PIK3C2A: variants seen among roughly 807,000 people sequenced by gnomAD.
PIK3C2A encodes phosphatidylinositol 4-phosphate 3-kinase C2 domain-containing subunit alpha.
Under a neutral mutation model 204.5 loss-of-function variants are expected in PIK3C2A, and 97 were observed. The ratio of observed to expected loss-of-function variants is 0.47; its 90% CI spans 0.40 to 0.56. The LOEUF is 0.56. PIK3C2A is among the 20% of genes least tolerant of loss of function. The pLI is 0.00. For synonymous variants in PIK3C2A, 653 were observed against 664.4 expected (o/e 0.98, Z 0.26); for missense variants, 1,735 against 1,969.2 (o/e 0.88, Z 2.25).
intron 9 of PIK3C2A, 138 bp from the exon 10 acceptor site, chr11:17,135,297 A>C (rs1046908276): frequency 7.2e-6 from 6 of 831,932 alleles, no homozygotes; most frequent in African/African-American, 1.7e-5. Flanking sequence ...ATAAATAAAT[A>C]ATGCAAAAAG....
At chr11:17,097,390 G>T in intron 26 of PIK3C2A, 126 bp from the exon 27 acceptor site, 1 of 640,878 alleles carries the variant, frequency 1.6e-6, no homozygotes, top group Non-Finnish European at 2.7e-6. Flanking sequence ...ACTTTGCCAA[G>T]GATTCCCTTT....
At chr11:17,099,819 T>C (rs1239906100) in intron 26 of PIK3C2A, 41 bp downstream of exon 26, 1 of 856,014 alleles carries the variant, frequency 1.2e-6, no homozygotes, top group South Asian at 1.4e-5. Flanking sequence ...ATCAAAGCAA[T>C]ATTTTATGTT....
In PIK3C2A at chr11:17,097,116, G is replaced by A. The variant is rs867663128; in HGVS notation, c.4267C>T (p.Arg1423Ter). The A allele has an allele frequency of 1.2e-6, 2 of 1,608,348 alleles. No individual in the cohort carries two copies. Among genetic ancestry groups the A allele is most frequent in the Non-Finnish European group, 1.7e-6 (2 of 1,174,902 alleles). The change falls in exon 27 of 33, where the codon CGA becomes TGA. Residue 1423 changes from arginine to a stop codon, truncating the protein, a stop_gained. Transcript: ENST00000691414. LOFTEE classifies it high-confidence loss of function. ...GTAAAAACAGAGACTTCCTTGATTC[G>A]ACCATCTTGTCTAAAGGAGTATGTT... ...PKTYSFRQDGRIKEVSVFTYH... is the reference protein window; with the variant it reads ...PKTYSFRQDG
intron 27 of PIK3C2A, 140 bp downstream of exon 27, chr11:17,096,917 T>C (rs1478954440): frequency 3.4e-6 from 2 of 589,680 alleles, no homozygotes; most frequent in Non-Finnish European, 6.0e-6. Context: ...CAAGTACATT[T>C]ACTTATTTAT....
At chr11:17,096,822 T>A (rs1848469355) in intron 27 of PIK3C2A, among the ~76,000 whole-genome samples, 1 of 152,260 alleles carries the variant, frequency 6.6e-6, no homozygotes, top group African/African-American at 2.4e-5. Context: ...TTAAATTTGT[T>A]ACAACAAGCA....
intron 1 of PIK3C2A, among the ~76,000 whole-genome samples, chr11:17,188,192 G>A (rs1003776197): frequency 1.3e-5 from 2 of 150,494 alleles, no homozygotes; most frequent in African/African-American, 2.5e-5. Context: ...ACAAAAATTA[G>A]CTGGGCATGG....
intron 23 of PIK3C2A, among the ~76,000 whole-genome samples, chr11:17,103,559 A>T (rs973466605): frequency 1.3e-5 from 2 of 152,174 alleles, no homozygotes; most frequent in African/African-American, 2.4e-5. Context: ...TGATGATAAC[A>T]GCAAATGTTT....
In PIK3C2A at chr11:17,139,424, C is replaced by T. The variant is rs1057136534; in HGVS notation, c.1705-2799G>A. ...TGTAATTTTAGTAGAGACCGGCTTT[C>T]GCCATATTGGGCTGGTCTCCAACCC... is the stretch of plus-strand genomic sequence containing the variant. On this transcript the variant is annotated intron_variant, in intron 8 of 32. Coordinates refer to ENST00000691414, the MANE Select transcript of PIK3C2A (RefSeq NM_002645.4). Among the ~76,000 whole-genome samples, 20 of 151,088 alleles carry T rather than the reference C, an allele frequency of 1.3e-4. 1 individual carries two copies. In the South Asian group the frequency reaches 1.9e-3, roughly 14 times the overall value.
chr11:17,110,119 A>AT (rs561917239), intron 22 of PIK3C2A, among the ~76,000 whole-genome samples: 163 of 151,920 alleles, frequency 1.1e-3, no homozygotes, highest in African/African-American at 3.7e-3. Context: ...CACCTGGCTA[A>AT]TTTTTGCATT....
At position 17,169,220 on chromosome 11, in the gene PIK3C2A, T is replaced by G; in HGVS notation, c.522A>C (p.Pro174=). 1 of 1,614,136 alleles carries G rather than the reference T, an allele frequency of 6.2e-7. No individual in the cohort carries two copies. Among genetic ancestry groups the G allele is most frequent in the African/African-American group, 1.3e-5 (1 of 75,046 alleles). The part of the protein sequence containing the change: ...KQAAFQNGFN[P]RMPTFPSTEP... ...CTGTAGATGGAAAAGTGGGCATTCT[T>G]GGATTGAAGCCATTTTGGAATGCAG... is the stretch of plus-strand genomic sequence containing the variant. The change falls in exon 2 of 33, where the codon CCA becomes CCC. Residue 174 remains proline, a synonymous_variant. Transcript: ENST00000691414.
intron 16 of PIK3C2A, 75 bp downstream of exon 16, chr11:17,119,711 G>C: frequency 2.4e-6 from 2 of 849,658 alleles, no homozygotes; most frequent in East Asian, 5.3e-5. Flanking sequence ...TAAAAGGAAA[G>C]GAAATACTTC....
intron 1 of PIK3C2A, among the ~76,000 whole-genome samples, chr11:17,189,282 A>T (rs1851860234): frequency 6.8e-6 from 1 of 147,122 alleles, no homozygotes; most frequent in Non-Finnish European, 1.5e-5. Flanking sequence ...TAAGTAAAAA[A>T]TAAGTAAACT....
At chr11:17,126,653 C>G (rs1276166140) in intron 13 of PIK3C2A, among the ~76,000 whole-genome samples, 1 of 152,104 alleles carries the variant, frequency 6.6e-6, no homozygotes, top group Admixed American at 6.6e-5. Flanking sequence ...TCTTAATCAT[C>G]TTCCCTCTTA....
At chr11:17,122,073 C>A (rs1849384157) in intron 15 of PIK3C2A, 115 bp downstream of exon 15, 1 of 594,492 alleles carries the variant, frequency 1.7e-6, no homozygotes. Context: ...AGAAAACTTT[C>A]CACACCAAGA....
chr11:17,205,232 G>A (rs1391882817), intron 1 of PIK3C2A, among the ~76,000 whole-genome samples: 1 of 151,778 alleles, frequency 6.6e-6, no homozygotes, highest in Non-Finnish European at 1.5e-5. Context: ...AGCACTTTGG[G>A]AGGCCGAGGT....
At chr11:17,091,942 G>C in intron 30 of PIK3C2A, 54 bp downstream of exon 30, 1 of 1,088,566 alleles carries the variant, frequency 9.2e-7, no homozygotes, top group Non-Finnish European at 1.4e-6. Flanking sequence ...TCATCGAGAA[G>C]TTACAGACTT....
intron 2 of PIK3C2A, among the ~76,000 whole-genome samples, chr11:17,167,774 C>T (rs998292158): frequency 6.6e-5 from 10 of 152,126 alleles, no homozygotes; most frequent in African/African-American, 2.4e-4. Context: ...AATATTAATT[C>T]ACGTTAAAGT....
intron 1 of PIK3C2A, among the ~76,000 whole-genome samples, chr11:17,200,953 C>G (rs1852351088): frequency 6.6e-6 from 1 of 152,178 alleles, no homozygotes; most frequent in Admixed American, 6.5e-5. Flanking sequence ...TGCCTGTAAT[C>G]CCAGCACTTT....
At chr11:17,192,020 T>C (rs1333033711) in intron 1 of PIK3C2A, among the ~76,000 whole-genome samples, 1 of 150,282 alleles carries the variant, frequency 6.7e-6, no homozygotes, top group African/African-American at 2.4e-5. Context: ...TGGTGCATGA[T>C]TGTAGTCCCA....
Sources: gnomAD v4.1 joint callset for allele counts (sites outside exome capture counted in the v4.1 genomes callset) on GRCh38, gnomAD v4.1.1 for gene constraint, MANE v1.5 for transcripts, NCBI Gene and HGNC (gene_info 2026-07-23, HGNC 2026-07-21) for gene names.